The following KCNH1 variants were observed in gnomAD, a reference collection of about 807,000 sequenced individuals.
The protein encoded by KCNH1 is voltage-gated delayed rectifier potassium channel KCNH1.
Under a neutral mutation model 69.2 loss-of-function variants are expected in KCNH1, and 27 were observed. That is an observed-to-expected ratio of 0.39 (90% CI 0.29 to 0.54). The LOEUF (loss-of-function observed/expected upper bound fraction) is 0.54. Among genes scored for constraint, KCNH1 ranks in the 20% least tolerant of loss-of-function variants. The pLI, the probability that KCNH1 is intolerant of heterozygous loss-of-function variation, is 0.68. For missense variants in KCNH1, 798 were observed against 1,261.6 expected, an observed-to-expected ratio of 0.63 and a Z score of 5.57; for synonymous variants, 456 against 487.7, an observed-to-expected ratio of 0.93 and a Z score of 0.86.
At chr1:210,950,462 T>C (rs1688045016) in intron 6 of KCNH1, among the ~76,000 whole-genome samples, 1 of 146,918 alleles carries the variant, frequency 6.8e-6, no homozygotes, top group African/African-American at 2.5e-5. Flanking sequence ...AGTGAGAATA[T>C]GCAGTGTTTG....
At chr1:210,905,056 A>C (rs1448503891) in intron 7 of KCNH1, among the ~76,000 whole-genome samples, 1 of 152,196 alleles carries the variant, frequency 6.6e-6, no homozygotes, top group Admixed American at 6.5e-5. Flanking sequence ...GCAGAAGCAG[A>C]GGCAAAGTAG....
At chr1:211,038,650 GT>G (rs975225644) in intron 5 of KCNH1, among the ~76,000 whole-genome samples, 2 of 152,178 alleles carry the variant, frequency 1.3e-5, no homozygotes, top group African/African-American at 4.8e-5. Context: ...TGAGGAACTT[GT>G]TGGGGACTGG....
intron 5 of KCNH1, among the ~76,000 whole-genome samples, chr1:211,065,644 A>T (rs961738177): frequency 6.6e-6 from 1 of 152,208 alleles, no homozygotes; most frequent in African/African-American, 2.4e-5. Flanking sequence ...TTCTCCCCAC[A>T]CACAAAAATA....
At chr1:210,999,664 T>G (rs1418909535) in intron 6 of KCNH1, among the ~76,000 whole-genome samples, 3 of 152,214 alleles carry the variant, frequency 2.0e-5, no homozygotes, top group African/African-American at 7.2e-5. Context: ...ACTCATTTTA[T>G]GAGGCCAGCA....
chr1:210,912,002 C>T (rs1416494825), intron 7 of KCNH1, among the ~76,000 whole-genome samples: 2 of 152,106 alleles, frequency 1.3e-5, no homozygotes, highest in East Asian at 1.9e-4. Flanking sequence ...AGGAAAGCAA[C>T]AAGACAAAGG....
Position 210,797,574 on chromosome 1 carries a change from T to C in KCNH1, c.1849A>G (p.Ser617Gly). Residue 617 changes from serine (S) to glycine (G), a missense_variant, in exon 9 of 11, where the codon AGC (serine) becomes GGC (glycine). By Grantham distance (56) the Ser-to-Gly change is moderately conservative. Transcript: ENST00000271751. ...GAGCCAGAAACCACAAAGCAGAGGC[T>C]GTCAACGCTCTCTCCTGCATGGTAG... ...LIYHAGESVD[S>G]LCFVVSGSLE... The C allele has an allele frequency of 6.2e-7, 1 of 1,614,176 alleles. No individual in the cohort carries two copies. Among genetic ancestry groups the C allele is most frequent in the Non-Finnish European group, 8.5e-7 (1 of 1,180,030 alleles).
chr1:210,863,651 T>C (rs144650590), intron 7 of KCNH1, among the ~76,000 whole-genome samples: 1 of 152,316 alleles, frequency 6.6e-6, no homozygotes, highest in African/African-American at 2.4e-5. Context: ...TGACATTACA[T>C]TTTGTTTCTC....
chr1:210,910,277 CAAAAAAAA>C (rs373832448), intron 7 of KCNH1, among the ~76,000 whole-genome samples: 1 of 102,774 alleles, frequency 9.7e-6, no homozygotes, highest in Non-Finnish European at 1.9e-5. Context: ...CATCAAGCAC[CAAAAAAAA>C]AAAAAAAAAA....
At position 210,711,873 on chromosome 1, in the gene KCNH1, C is replaced by T. The variant is rs148361988; in HGVS notation, c.2113-27735G>A. ...GAAGGCCACAGTGGGGAACTTGTGG[C>T]TCTCAGAGGCTGGTTAGTTTCTCTG... On this transcript the variant is annotated intron_variant, in intron 10 of 10. Coordinates refer to ENST00000271751, the MANE Select transcript of KCNH1 (RefSeq NM_172362.3). 1.2e-3 allele frequency among the ~76,000 whole-genome samples: 188 copies of T among 152,342 alleles called. No individual in the cohort carries two copies. The Middle Eastern group carries it at 0.014, about 11-fold the overall frequency.
intron 6 of KCNH1, among the ~76,000 whole-genome samples, chr1:210,965,033 C>T (rs568682109): frequency 5.9e-5 from 9 of 152,140 alleles, no homozygotes; most frequent in African/African-American, 9.6e-5. Flanking sequence ...AAAAGGCTTT[C>T]GATAAAATTC....
chr1:211,051,599 C>T (rs892283271), intron 5 of KCNH1, among the ~76,000 whole-genome samples: 1 of 152,172 alleles, frequency 6.6e-6, no homozygotes, highest in Non-Finnish European at 1.5e-5. Context: ...GTTTGACAGA[C>T]ATAAGTGCCT....
chr1:210,718,866 G>A (rs1378465333), intron 10 of KCNH1, among the ~76,000 whole-genome samples: 1 of 151,822 alleles, frequency 6.6e-6, no homozygotes, highest in Non-Finnish European at 1.5e-5. Context: ...CTAAGAGGGA[G>A]CCACCCCTCA....
At chr1:210,968,486 A>G (rs2102364319) in intron 6 of KCNH1, among the ~76,000 whole-genome samples, 1 of 140,890 alleles carries the variant, frequency 7.1e-6, no homozygotes, top group Non-Finnish European at 1.5e-5. Context: ...TCCCACCAAC[A>G]GTGTAAAAGT....
intron 6 of KCNH1, among the ~76,000 whole-genome samples, chr1:210,981,667 A>G (rs932036282): frequency 6.6e-6 from 1 of 152,196 alleles, no homozygotes; most frequent in Non-Finnish European, 1.5e-5. Context: ...CCCAAAGTCC[A>G]TCTGTACTGT....
chr1:210,735,421 AGTGTGTGTGT>A (rs71146244), intron 10 of KCNH1, among the ~76,000 whole-genome samples: 10,161 of 131,970 alleles, frequency 0.077, 529 homozygotes, highest in East Asian at 0.2. Context: ...TGAGTGAGTG[AGTGTGTGTGT>A]GTGTGTGTGT....
chr1:210,994,903 G>A (rs1436332227), intron 6 of KCNH1, among the ~76,000 whole-genome samples: 1 of 152,164 alleles, frequency 6.6e-6, no homozygotes, highest in Admixed American at 6.5e-5. Flanking sequence ...TATAAAAATG[G>A]AATGATGATA....
At chr1:210,941,396 C>T (rs1300870680) in intron 6 of KCNH1, among the ~76,000 whole-genome samples, 1 of 152,144 alleles carries the variant, frequency 6.6e-6, no homozygotes, top group Non-Finnish European at 1.5e-5. Flanking sequence ...TAGGCCTCCA[C>T]TAGCAGGTTG....
chr1:210,681,119 TAAA>T lies in KCNH1; in HGVS notation c.*2159_*2161del, dbSNP rs1265102302. 1.3e-5 allele frequency: 2 copies of T among 152,114 alleles called. No individual in the cohort carries two copies. Among genetic ancestry groups the T allele is most frequent in the Admixed American group, 6.5e-5 (1 of 15,270 alleles). 9.4% of individuals were successfully genotyped at this position (152,114 alleles called of 1,614,324 possible). A position where few individuals can be genotyped will look rare whatever the true frequency, so the allele number is the denominator to read the frequency against. ...GGGTGATTAGAGGCCTGCCCTGCCTTAAAAGTGGTGGGTCCTAAACTTCAGAAG... is the reference window on the plus strand; with the variant it reads ...GGGTGATTAGAGGCCTGCCCTGCCTTAGTGGTGGGTCCTAAACTTCAGAAG... On this transcript the variant is annotated 3_prime_UTR_variant, in exon 11 of 11. Coordinates refer to ENST00000271751, the MANE Select transcript of KCNH1 (RefSeq NM_172362.3).
intron 10 of KCNH1, among the ~76,000 whole-genome samples, chr1:210,736,555 A>C (rs1682885326): frequency 6.6e-6 from 1 of 151,874 alleles, no homozygotes; most frequent in Non-Finnish European, 1.5e-5. Context: ...CCTCCAAAAA[A>C]AAATTACCCA....
Sources: allele counts gnomAD v4.1 joint callset (sites outside exome capture counted in the v4.1 genomes callset), GRCh38; gene constraint gnomAD v4.1.1; transcripts MANE v1.5; gene names NCBI Gene and HGNC (gene_info 2026-07-23, HGNC 2026-07-21).